Variants in EPHB1 observed in about 807,000 individuals in gnomAD.
The protein encoded by EPHB1 is ephrin type-B receptor 1.
EPHB1 carries 30 observed loss-of-function variants against 94.4 expected under a neutral mutation model. That is an observed-to-expected ratio of 0.32 (90% CI 0.24 to 0.43). EPHB1 has a LOEUF of 0.43. EPHB1 is among the 20% of genes least tolerant of loss of function. The pLI is 1.00. For missense variants in EPHB1, 1,055 were observed against 1,308.3 expected, an observed-to-expected ratio of 0.81 and a Z score of 2.99; for synonymous variants, 522 against 489.1, an observed-to-expected ratio of 1.07 and a Z score of -0.89.
At chr3:134,904,642 T>A (rs1188356270) in intron 1 of EPHB1, among the ~76,000 whole-genome samples, 1 of 152,218 alleles carries the variant, frequency 6.6e-6, no homozygotes, top group Non-Finnish European at 1.5e-5. Flanking sequence ...CAAGGGGCTA[T>A]GGCTGAGAGA....
chr3:134,817,644 A>T (rs1045358103), intron 1 of EPHB1, among the ~76,000 whole-genome samples: 5 of 152,212 alleles, frequency 3.3e-5, no homozygotes, highest in Non-Finnish European at 7.3e-5. Context: ...TTACCTGTCC[A>T]TTGGGGATGA....
At chr3:134,898,567 G>A (rs774816489) in intron 1 of EPHB1, among the ~76,000 whole-genome samples, 1 of 152,156 alleles carries the variant, frequency 6.6e-6, no homozygotes, top group Admixed American at 6.5e-5. Flanking sequence ...GAGTCTGCAC[G>A]CTAGCAGGTG....
chr3:134,814,055 T>C (rs1351291545), intron 1 of EPHB1, among the ~76,000 whole-genome samples: 2 of 152,234 alleles, frequency 1.3e-5, no homozygotes, highest in East Asian at 1.9e-4. Context: ...TAGTAAATGA[T>C]GGATGGATGG....
intron 3 of EPHB1, among the ~76,000 whole-genome samples, chr3:135,102,095 A>T (rs1464180386): frequency 6.6e-6 from 1 of 151,884 alleles, no homozygotes; most frequent in Non-Finnish European, 1.5e-5. Flanking sequence ...CTGTAAAGGA[A>T]CTCCTGAGTT....
At chr3:135,220,359 A>T (rs531874256) in intron 12 of EPHB1, among the ~76,000 whole-genome samples, 24 of 152,340 alleles carry the variant, frequency 1.6e-4, no homozygotes, top group African/African-American at 5.5e-4. Context: ...CCACAAAAGC[A>T]TTCAAGTAAG....
intron 3 of EPHB1, among the ~76,000 whole-genome samples, chr3:134,998,563 G>A (rs1025150664): frequency 6.6e-6 from 1 of 152,158 alleles, no homozygotes; most frequent in Non-Finnish European, 1.5e-5. Flanking sequence ...TGGGTTATAT[G>A]TCAGTATTAA....
chr3:134,946,742 G>T (rs2039223763), intron 2 of EPHB1, among the ~76,000 whole-genome samples: 1 of 152,134 alleles, frequency 6.6e-6, no homozygotes, highest in East Asian at 1.9e-4. Flanking sequence ...TGGTTTAAAA[G>T]AACCTGGCAT....
rs35439364 is a variant in EPHB1 at position 135,191,636 on chromosome 3, AT to A, written c.1883-925del. On this transcript the variant is annotated intron_variant, in intron 10 of 15. Transcript: ENST00000398015. ...AAGCATGTTAAACAGGATTCAACAGATTTTTTTTTTTTTTTAGGCAGCTATG... is the reference window on the plus strand; with the variant it reads ...AAGCATGTTAAACAGGATTCAACAGATTTTTTTTTTTTTTAGGCAGCTATG... Among the ~76,000 whole-genome samples the A allele has an allele frequency of 9.5e-3, 1,378 of 144,552 alleles. 15 individuals are homozygous for A. Among genetic ancestry groups the A allele is most frequent in the African/African-American group, 0.022 (879 of 39,678 alleles). 94.8% of individuals were successfully genotyped at this position (144,552 alleles called of 152,430 possible). A position where few individuals can be genotyped will look rare whatever the true frequency, so the allele number is the denominator to read the frequency against.
intron 15 of EPHB1, among the ~76,000 whole-genome samples, chr3:135,253,528 T>G (rs1209768272): frequency 2.0e-5 from 3 of 151,834 alleles, no homozygotes; most frequent in African/African-American, 7.3e-5. Flanking sequence ...GTCGTAGATA[T>G]GCGGCATTAT....
At chr3:134,986,439 C>T (rs1045553804) in intron 3 of EPHB1, among the ~76,000 whole-genome samples, 7 of 152,110 alleles carry the variant, frequency 4.6e-5, no homozygotes, top group African/African-American at 1.4e-4. Context: ...TGTCTGTGTG[C>T]GTGGCATGGA....
intron 3 of EPHB1, among the ~76,000 whole-genome samples, chr3:134,971,328 A>G (rs573432764): frequency 1.3e-5 from 2 of 152,298 alleles, no homozygotes; most frequent in East Asian, 1.9e-4. Flanking sequence ...CTGAGTTCCA[A>G]CTTACTTTCC....
At chr3:134,882,547 A>G (rs2037754475) in intron 1 of EPHB1, among the ~76,000 whole-genome samples, 1 of 152,262 alleles carries the variant, frequency 6.6e-6, no homozygotes, top group Admixed American at 6.5e-5. Context: ...ATCAGCGTCC[A>G]GATGGCCATA....
At chr3:135,061,545 C>A (rs963521664) in intron 3 of EPHB1, among the ~76,000 whole-genome samples, 6 of 151,988 alleles carry the variant, frequency 3.9e-5, no homozygotes, top group African/African-American at 1.5e-4. Context: ...GCTGTTAATT[C>A]ATTCCTTTTT....
intron 4 of EPHB1, among the ~76,000 whole-genome samples, chr3:135,132,358 TA>T (rs111637499): frequency 0.041 from 6,301 of 152,268 alleles, 444 homozygotes; most frequent in African/African-American, 0.14. Context: ...AAGAATCCAG[TA>T]AATGTTCAAT....
Position 134,795,539 on chromosome 3 carries a change from CA to C in EPHB1, c.-92del. On this transcript the variant is annotated 5_prime_UTR_variant, in exon 1 of 16. Coordinates refer to ENST00000398015, the MANE Select transcript of EPHB1 (RefSeq NM_004441.5). ...AGAGCGCGAAAGGATACCGAGAAGC[CA>C]CCCGCGGAGAGCGCAGCGGCGCCCT... 2 of 1,251,628 alleles carry C rather than the reference CA, an allele frequency of 1.6e-6. No homozygotes were observed. Among genetic ancestry groups the C allele is most frequent in the Non-Finnish European group, 2.2e-6 (2 of 895,076 alleles). The allele number at this position is 1,251,628 out of a possible 1,614,324, so 77.5% of individuals were successfully genotyped here. A position where few individuals can be genotyped will look rare whatever the true frequency, so the allele number is the denominator to read the frequency against.
intron 4 of EPHB1, among the ~76,000 whole-genome samples, chr3:135,108,464 A>G (rs1419040232): frequency 1.3e-5 from 2 of 152,106 alleles, no homozygotes; most frequent in African/African-American, 4.8e-5. Context: ...TGTTTCTTTT[A>G]TTTTTAATCT....
At chr3:134,914,263 C>T (rs1235454148) in intron 1 of EPHB1, among the ~76,000 whole-genome samples, 3 of 152,152 alleles carry the variant, frequency 2.0e-5, no homozygotes, top group African/African-American at 7.2e-5. Context: ...CAGGACAAAA[C>T]GTGGAAACAT....
At chr3:135,202,531 C>G (rs1942785469) in intron 12 of EPHB1, among the ~76,000 whole-genome samples, 1 of 152,186 alleles carries the variant, frequency 6.6e-6, no homozygotes, top group Non-Finnish European at 1.5e-5. Context: ...AACTGGTGTC[C>G]CTTTCCTTTT....
At chr3:134,990,123 C>T (rs1216021526) in intron 3 of EPHB1, among the ~76,000 whole-genome samples, 1 of 152,108 alleles carries the variant, frequency 6.6e-6, no homozygotes, top group Non-Finnish European at 1.5e-5. Context: ...ATTTTGTTAT[C>T]AAAAAACTTT....
Sources: gnomAD v4.1 joint callset for allele counts (sites outside exome capture counted in the v4.1 genomes callset) on GRCh38, gnomAD v4.1.1 for gene constraint, MANE v1.5 for transcripts, NCBI Gene and HGNC (gene_info 2026-07-23, HGNC 2026-07-21) for gene names.